HMGA1: variants seen among roughly 807,000 people sequenced by gnomAD.
The protein encoded by HMGA1 is high mobility group protein HMG-I/HMG-Y.
In HMGA1, 1 loss-of-function variant was observed where a neutral mutation model predicts 15.1. The observed-to-expected ratio is 0.07, with a 90% CI of 0.02 to 0.31. The LOEUF (loss-of-function observed/expected upper bound fraction) is 0.31, where lower values mean the gene tolerates loss of function less well. Ranked by LOEUF, HMGA1 falls within the 10% of genes least tolerant of loss-of-function variation. The probability of loss-of-function intolerance (pLI) is 1.00; values close to 1 mark genes in which losing one functional copy is unlikely to be tolerated. For synonymous variants in HMGA1, 56 were observed against 54.8 expected (o/e 1.02, Z -0.10); for missense variants, 94 against 141.4 (o/e 0.66, Z 1.70).
In HMGA1 at chr6:34,245,090, G is replaced by A. The variant is rs1762635602; in HGVS notation, c.*206G>A. On this transcript the variant is annotated 3_prime_UTR_variant, in exon 6 of 6. Transcript: ENST00000311487. The stretch of plus-strand genomic sequence containing the variant: ...AGGGCTCCCATGGGCTGAGTGGGGA[G>A]CAGTTTTCCCCTGGCCTCAGTTCCC... The A allele has an allele frequency of 6.6e-7, 1 of 1,522,266 alleles. No homozygotes were observed. The highest frequency in any genetic ancestry group is 1.4e-5 in the African/African-American group (1 of 72,778). The allele number at this position is 1,522,266 out of a possible 1,614,324, so 94.3% of individuals were successfully genotyped here.
At chr6:34,243,651 G>C (rs1449500184) in intron 5 of HMGA1, 133 bp downstream of exon 5, 1 of 803,730 alleles carries the variant, frequency 1.2e-6, no homozygotes, top group African/African-American at 1.7e-5. Flanking sequence ...AGATTTTACA[G>C]AAGTCCAGAG....
chr6:34,237,760 G>A (rs1246396245), intron 2 of HMGA1, among the ~76,000 whole-genome samples: 2 of 151,510 alleles, frequency 1.3e-5, no homozygotes, highest in Non-Finnish European at 3.0e-5. Flanking sequence ...CAGGAGAGTG[G>A]GGGGTCGGGC....
At chr6:34,237,017 A>C (rs961479724) in intron 1 of HMGA1, 54 bp downstream of exon 1, 2 of 151,668 alleles carry the variant, frequency 1.3e-5, no homozygotes, top group African/African-American at 4.8e-5. Flanking sequence ...TAATTTAATT[A>C]AATTATTTAT....
At chr6:34,237,634 CGGAGCCCGGA>C (rs993812648) in intron 2 of HMGA1, among the ~76,000 whole-genome samples, 14 of 147,920 alleles carry the variant, frequency 9.5e-5, no homozygotes, top group South Asian at 2.1e-4. Context: ...GTGCACCCGG[CGGAGCCCGGA>C]GGAGCCCGGC....
chr6:34,242,340 C>T lies in HMGA1; in HGVS notation c.136-372C>T, dbSNP rs537316701. Among the ~76,000 whole-genome samples the T allele has an allele frequency of 3.3e-5, 5 of 152,264 alleles. No individual in the cohort carries two copies. The East Asian group carries it at 7.7e-4, about 24-fold the overall frequency. ...CTCCATGACACCCTGCAAGGGAAGTCTTCACCATTTATAGATGAGGAAACT... is the reference window on the plus strand; with the variant it reads ...CTCCATGACACCCTGCAAGGGAAGTTTTCACCATTTATAGATGAGGAAACT... On this transcript the variant is annotated intron_variant, in intron 3 of 5. Coordinates refer to ENST00000311487, the MANE Select transcript of HMGA1 (RefSeq NM_145899.3).
At chr6:34,244,062 G>A (rs142150355) in intron 5 of HMGA1, among the ~76,000 whole-genome samples, 1 of 151,848 alleles carries the variant, frequency 6.6e-6, no homozygotes, top group Non-Finnish European at 1.5e-5. Context: ...CCTCTAGGGG[G>A]CCACTGCAGT....
rs539549501 is a variant in HMGA1, at chr6:34,244,857, G to A, written c.297G>A (p.Ser99=). The A allele has an allele frequency of 1.4e-5, 22 of 1,570,350 alleles. No individual in the cohort carries two copies. The highest frequency in any genetic ancestry group is 1.2e-4 in the African/African-American group (9 of 74,222). The change falls in exon 6 of 6, where the codon TCG becomes TCA. Residue 99 remains serine, a synonymous_variant. Transcript: ENST00000311487. ...AGAAGGAGGAAGAGGAGGGCATCTCGCAGGAGTCCTCGGAGGAGGAGCAGT... is the reference window on the plus strand; with the variant it reads ...AGAAGGAGGAAGAGGAGGGCATCTCACAGGAGTCCTCGGAGGAGGAGCAGT... ...KLEKEEEEGI[S]QESSEEEQ
Position 34,244,995 on chromosome 6 carries a change from G to A in HMGA1, c.*111G>A, listed in dbSNP as rs1360431420. 9.8e-5 allele frequency: 83 copies of A among 849,100 alleles called. No homozygotes were observed. In the East Asian group the frequency reaches 1.4e-3, roughly 15 times the overall value. 52.6% of individuals were successfully genotyped at this position (849,100 alleles called of 1,614,324 possible). On this transcript the variant is annotated 3_prime_UTR_variant, in exon 6 of 6. Transcript: ENST00000311487. The stretch of plus-strand genomic sequence containing the variant: ...CTTCCCCAGGCCCACCATCACCACC[G>A]CCTCTGGCCGCCACCCCCATCTTCC...
chr6:34,244,671 G>A (rs976762391), intron 5 of HMGA1, among the ~76,000 whole-genome samples, 160 bp from the exon 6 acceptor site: 1 of 152,102 alleles, frequency 6.6e-6, no homozygotes, highest in Admixed American at 6.5e-5. Flanking sequence ...TTTTATGAAT[G>A]AAGCCGGGCC....
intron 3 of HMGA1, among the ~76,000 whole-genome samples, chr6:34,241,973 A>G (rs1349527542): frequency 6.6e-6 from 1 of 152,062 alleles, no homozygotes; most frequent in African/African-American, 2.4e-5. Context: ...CCTGTTAGCC[A>G]TGGTCAGTGG....
At chr6:34,237,556 C>T (rs1761881341) in intron 2 of HMGA1, among the ~76,000 whole-genome samples, 1 of 144,524 alleles carries the variant, frequency 6.9e-6, no homozygotes, top group African/African-American at 2.5e-5. Context: ...GGGCGCCCTG[C>T]GGGGGGCGGG....
Position 34,238,846 on chromosome 6 carries a change from GAGACCCGCCAAGATCTCCAGGC to G in HMGA1, c.-45+1532_-45+1553del, listed in dbSNP as rs1433777269. The G allele has an allele frequency of 1.1e-4, 17 of 152,328 alleles. 1 individual carries two copies. Among genetic ancestry groups the G allele is most frequent in the African/African-American group, 3.9e-4 (16 of 41,558 alleles). The allele number at this position is 152,328 out of a possible 1,614,324, so 9.4% of individuals were successfully genotyped here. On this transcript the variant is annotated intron_variant, in intron 2 of 5. Coordinates refer to ENST00000311487, the MANE Select transcript of HMGA1 (RefSeq NM_145899.3). Reference sequence around the variant, plus strand: ...ACCAGATGGTATGAGAGCTTCCAGGGAGACCCGCCAAGATCTCCAGGCAGGCCGGGCCAGGCTCTCTGGGATT... The same window carrying G: ...ACCAGATGGTATGAGAGCTTCCAGGGAGGCCGGGCCAGGCTCTCTGGGATT...
intron 5 of HMGA1, among the ~76,000 whole-genome samples, chr6:34,244,624 A>G (rs1434136271): frequency 1.3e-5 from 2 of 152,134 alleles, no homozygotes; most frequent in African/African-American, 2.4e-5. Flanking sequence ...GGGTGAGAGC[A>G]GCATGTGTGT....
In HMGA1 at chr6:34,245,117, G is replaced by T; in HGVS notation, c.*233G>T. 1 of 1,504,290 alleles carries T rather than the reference G, an allele frequency of 6.6e-7. No homozygotes were observed. Among genetic ancestry groups the T allele is most frequent in the Non-Finnish European group, 8.9e-7 (1 of 1,125,944 alleles). The allele number at this position is 1,504,290 out of a possible 1,614,324, so 93.2% of individuals were successfully genotyped here. A position where few individuals can be genotyped will look rare whatever the true frequency, so the allele number is the denominator to read the frequency against. ...AGTTTTCCCCTGGCCTCAGTTCCCA[G>T]CTCCCCCCGCCCACCCACGCATACA... is the stretch of plus-strand genomic sequence containing the variant. On this transcript the variant is annotated 3_prime_UTR_variant, in exon 6 of 6. Transcript: ENST00000311487.
chr6:34,245,491 C>A lies in HMGA1; in HGVS notation c.*607C>A, dbSNP rs1344271929. The A allele has an allele frequency of 1.0e-5, 14 of 1,381,964 alleles. No homozygotes were observed. In the Admixed American group the frequency reaches 3.0e-4, roughly 30 times the overall value. 85.6% of individuals were successfully genotyped at this position (1,381,964 alleles called of 1,614,324 possible). A position where few individuals can be genotyped will look rare whatever the true frequency, so the allele number is the denominator to read the frequency against. ...CATCCTTCCCCAACTTCCCTAGTCCCCGTACTAGGTTGGACAGCCCCCTTC... is the reference window on the plus strand; with the variant it reads ...CATCCTTCCCCAACTTCCCTAGTCCACGTACTAGGTTGGACAGCCCCCTTC... On this transcript the variant is annotated 3_prime_UTR_variant, in exon 6 of 6. Transcript: ENST00000311487.
intron 2 of HMGA1, among the ~76,000 whole-genome samples, chr6:34,238,457 T>C (rs1762013597): frequency 6.6e-6 from 1 of 152,198 alleles, no homozygotes; most frequent in African/African-American, 2.4e-5. Context: ...CTGTGTGACC[T>C]TAGGCAACTC....
At chr6:34,237,381 C>A (rs866817995) in intron 2 of HMGA1, 64 bp downstream of exon 2, 1 of 144,926 alleles carries the variant, frequency 6.9e-6, no homozygotes, top group Admixed American at 6.8e-5. Context: ...CCCGCCCGCA[C>A]GTCGCCCCTC....
chr6:34,239,829 C>T (rs1762151240), intron 2 of HMGA1, among the ~76,000 whole-genome samples: 1 of 152,124 alleles, frequency 6.6e-6, no homozygotes, highest in African/African-American at 2.4e-5. Flanking sequence ...CCCAACAGGC[C>T]TCTAAGAAGA....
intron 2 of HMGA1, 61 bp downstream of exon 2, chr6:34,237,378 G>C (rs1168289605): frequency 4.1e-5 from 6 of 145,070 alleles, no homozygotes; most frequent in Non-Finnish European, 9.2e-5. Context: ...GCCCCCGCCC[G>C]CACGTCGCCC....
Sources: allele counts gnomAD v4.1 joint callset (sites outside exome capture counted in the v4.1 genomes callset), GRCh38; gene constraint gnomAD v4.1.1; transcripts MANE v1.5; gene names NCBI Gene and HGNC (gene_info 2026-07-23, HGNC 2026-07-21).